The following OSBPL8 variants were observed in gnomAD, a reference collection of about 807,000 sequenced individuals.
The protein encoded by OSBPL8 is oxysterol-binding protein-related protein 8.
Under a neutral mutation model 125.5 loss-of-function variants are expected in OSBPL8, and 59 were observed. That is an observed-to-expected ratio of 0.47 (90% CI 0.38 to 0.58). The LOEUF (loss-of-function observed/expected upper bound fraction) is 0.58. OSBPL8 is among the 20% of genes least tolerant of loss of function. OSBPL8 has a pLI of 0.00. For synonymous variants in OSBPL8, 330 were observed against 338.9 expected (o/e 0.97, Z 0.29); for missense variants, 758 against 1,047.8 (o/e 0.72, Z 3.82).
chr12:76,371,663 A>G, intron 18 of OSBPL8, 79 bp from the exon 19 acceptor site: 1 of 1,204,006 alleles, frequency 8.3e-7, no homozygotes, highest in Non-Finnish European at 1.1e-6. Flanking sequence ...TATGACGGTG[A>G]TAATTTCTTC....
intron 21 of OSBPL8, among the ~76,000 whole-genome samples, chr12:76,363,150 C>G (rs1399458682): frequency 2.0e-5 from 3 of 152,172 alleles, no homozygotes; most frequent in Non-Finnish European, 4.4e-5. Flanking sequence ...CAAGCTACCA[C>G]TGACTTTCTT....
intron 2 of OSBPL8, 74 bp downstream of exon 2, chr12:76,487,436 A>C: frequency 7.7e-7 from 1 of 1,306,504 alleles, no homozygotes; most frequent in Non-Finnish European, 1.1e-6. Context: ...ATATTTTAAA[A>C]ACAAAACCCT....
intron 4 of OSBPL8, among the ~76,000 whole-genome samples, chr12:76,432,710 A>G (rs1870989187): frequency 6.6e-6 from 1 of 152,190 alleles, no homozygotes; most frequent in Admixed American, 6.5e-5. Flanking sequence ...AATAAATAAA[A>G]GGGAGAATAG....
In OSBPL8 at chr12:76,516,883, C is replaced by T. The variant is rs1045923282; in HGVS notation, c.-67-29265G>A. On this transcript the variant is annotated intron_variant, in intron 1 of 23. Coordinates refer to ENST00000261183, the MANE Select transcript of OSBPL8 (RefSeq NM_020841.5). ...AGGCTGGAGTGCAGTGGCGCAGTATCGGCTCACCACAACCTCCACCTCCTG... is the reference window on the plus strand; with the variant it reads ...AGGCTGGAGTGCAGTGGCGCAGTATTGGCTCACCACAACCTCCACCTCCTG... Among the ~76,000 whole-genome samples, 19 of 148,990 alleles carry T rather than the reference C, an allele frequency of 1.3e-4. 1 individual carries two copies. In the East Asian group the frequency reaches 2.6e-3, roughly 20 times the overall value.
chr12:76,370,408 T>C (rs1952575839), intron 19 of OSBPL8, among the ~76,000 whole-genome samples: 1 of 152,220 alleles, frequency 6.6e-6, no homozygotes, highest in Non-Finnish European at 1.5e-5. Context: ...TTTCCCCTAC[T>C]AGTTCTTTCT....
intron 12 of OSBPL8, among the ~76,000 whole-genome samples, chr12:76,387,765 T>C (rs1013842664): frequency 6.6e-6 from 1 of 152,212 alleles, no homozygotes; most frequent in Non-Finnish European, 1.5e-5. Flanking sequence ...CTTGTGCTTT[T>C]CTGGAGTAAC....
chr12:76,475,814 T>A (rs1023997185), intron 2 of OSBPL8, among the ~76,000 whole-genome samples: 1 of 152,228 alleles, frequency 6.6e-6, no homozygotes, highest in Non-Finnish European at 1.5e-5. Flanking sequence ...CTTTTCTCTC[T>A]AATCATTGAA....
intron 1 of OSBPL8, among the ~76,000 whole-genome samples, chr12:76,533,519 T>C (rs965266011): frequency 1.3e-5 from 2 of 152,184 alleles, no homozygotes; most frequent in African/African-American, 4.8e-5. Flanking sequence ...CTGACTGATC[T>C]TGCAATCCAC....
At chr12:76,427,495 G>C (rs1223680950) in intron 4 of OSBPL8, among the ~76,000 whole-genome samples, 1 of 151,314 alleles carries the variant, frequency 6.6e-6, no homozygotes, top group Non-Finnish European at 1.5e-5. Flanking sequence ...AACTGCTATA[G>C]ACTAATTTCA....
chr12:76,476,137 A>G (rs1259961456), intron 2 of OSBPL8, among the ~76,000 whole-genome samples: 1 of 152,230 alleles, frequency 6.6e-6, no homozygotes, highest in African/African-American at 2.4e-5. Flanking sequence ...TATGATTTTA[A>G]TAAAAAAGAT....
chr12:76,363,201 C>CA (rs1161360915), intron 21 of OSBPL8, among the ~76,000 whole-genome samples: 1 of 152,220 alleles, frequency 6.6e-6, no homozygotes, highest in East Asian at 1.9e-4. Flanking sequence ...CACATGGAAC[C>CA]AAAAAAGAGC....
At chr12:76,467,687 C>T (rs935027133) in intron 2 of OSBPL8, among the ~76,000 whole-genome samples, 2 of 151,924 alleles carry the variant, frequency 1.3e-5, no homozygotes, top group African/African-American at 4.8e-5. Flanking sequence ...CCCATTAGTG[C>T]CCCCTATGTC....
At chr12:76,417,685 A>G (rs1208625306) in intron 4 of OSBPL8, among the ~76,000 whole-genome samples, 1 of 152,206 alleles carries the variant, frequency 6.6e-6, no homozygotes, top group Non-Finnish European at 1.5e-5. Flanking sequence ...TTTCATTTCT[A>G]AAATTTATAT....
At chr12:76,393,777 A>G (rs573479072) in intron 9 of OSBPL8, among the ~76,000 whole-genome samples, 8 of 150,006 alleles carry the variant, frequency 5.3e-5, no homozygotes, top group Non-Finnish European at 1.0e-4. Flanking sequence ...TAACCCCAGC[A>G]CTTTGGGAGG....
chr12:76,463,945 T>A (rs1318604508), intron 2 of OSBPL8, among the ~76,000 whole-genome samples: 1 of 152,214 alleles, frequency 6.6e-6, no homozygotes, highest in Non-Finnish European at 1.5e-5. Flanking sequence ...TATAGTACCA[T>A]GTTGTATAAC....
chr12:76,399,940 C>CTTTTCTTTTCTTCTCGGTAAT lies in OSBPL8; in HGVS notation c.380_400dup (p.Asn127_Lys133dup). ...TGTACTGAGCAGCTCCTTTGTGGCTCTTTTCTTTTCTTCTCGGTAATTTTT... is the reference window on the plus strand; with the variant it reads ...TGTACTGAGCAGCTCCTTTGTGGCTCTTTTCTTTTCTTCTCGGTAATTTTTCTTTTCTTCTCGGTAATTTTT... On this transcript the variant is annotated inframe_insertion, in exon 7 of 24. Transcript: ENST00000261183. 6.2e-7 allele frequency: 1 copy of CTTTTCTTTTCTTCTCGGTAAT among 1,605,294 alleles called. No individual in the cohort carries two copies. The highest frequency in any genetic ancestry group is 1.1e-5 in the South Asian group (1 of 89,244).
At chr12:76,493,390 CA>C (rs1878942044) in intron 1 of OSBPL8, among the ~76,000 whole-genome samples, 1 of 152,182 alleles carries the variant, frequency 6.6e-6, no homozygotes, top group African/African-American at 2.4e-5. Context: ...AATTCTCTTT[CA>C]TTTTTTTGTA....
chr12:76,517,234 T>C (rs937597186), intron 1 of OSBPL8, among the ~76,000 whole-genome samples: 3 of 152,178 alleles, frequency 2.0e-5, no homozygotes, highest in African/African-American at 7.2e-5. Context: ...AATTAAAAAA[T>C]GTAATCATTC....
rs762475639 is a variant in OSBPL8 at position 76,375,266 on chromosome 12, T to C, written c.1827+7A>G. Reference sequence around the variant, plus strand: ...GCTAGGTGATACCTACTGTATTGTCTACTAACCTTTAGTTTAAATTCAAGT... The same window carrying C: ...GCTAGGTGATACCTACTGTATTGTCCACTAACCTTTAGTTTAAATTCAAGT... On this transcript the variant is annotated splice_region_variant and intron_variant, in intron 17 of 23. Transcript: ENST00000261183. The C allele has an allele frequency of 3.8e-6, 6 of 1,574,912 alleles. No individual in the cohort carries two copies. Among genetic ancestry groups the C allele is most frequent in the Non-Finnish European group, 5.2e-6 (6 of 1,146,066 alleles).
Sources: allele counts gnomAD v4.1 joint callset (sites outside exome capture counted in the v4.1 genomes callset), GRCh38; gene constraint gnomAD v4.1.1; transcripts MANE v1.5; gene names NCBI Gene and HGNC (gene_info 2026-07-23, HGNC 2026-07-21).